The following EDN3 variants were observed in gnomAD, a reference collection of about 807,000 sequenced individuals.
EDN3 encodes endothelin-3.
A neutral mutation model predicts 21.4 loss-of-function variants in EDN3; 9 were observed. The observed-to-expected ratio is 0.42, with a 90% CI of 0.25 to 0.73. EDN3 has a LOEUF of 0.73. EDN3 is among the 30% of genes least tolerant of loss of function. The probability of loss-of-function intolerance (pLI) is 0.26; values close to 1 mark genes in which losing one functional copy is unlikely to be tolerated. For synonymous variants in EDN3, 133 were observed against 126.2 expected, an observed-to-expected ratio of 1.05 and a Z score of -0.36; for missense variants, 327 against 309.4, an observed-to-expected ratio of 1.06 and a Z score of -0.43.
In EDN3 at chr20:59,322,246, G is replaced by A; in HGVS notation, c.543-126G>A. Reference sequence around the variant, plus strand: ...CTCAGCCTTCAGAAACTGTGCCTGAGACGCAGTCCTTGGGGAACGCACTAA... The same window carrying A: ...CTCAGCCTTCAGAAACTGTGCCTGAAACGCAGTCCTTGGGGAACGCACTAA... On this transcript the variant is annotated intron_variant, in intron 3 of 4. Transcript: ENST00000337938. This position sits in a 1 kb window ranked among gnomAD's most constrained non-coding sequence, Gnocchi z 4.1. 1 of 1,042,130 alleles carries A rather than the reference G, an allele frequency of 9.6e-7. No individual in the cohort carries two copies. The highest frequency in any genetic ancestry group is 1.5e-6 in the Non-Finnish European group (1 of 673,300). 64.6% of individuals were successfully genotyped at this position (1,042,130 alleles called of 1,614,324 possible).
At chr20:59,318,945 T>G (rs189082232) in intron 2 of EDN3, among the ~76,000 whole-genome samples, 1 of 152,302 alleles carries the variant, frequency 6.6e-6, no homozygotes, top group Non-Finnish European at 1.5e-5. Context: ...ATGTCAACAC[T>G]CAGAGATTTA....
intron 2 of EDN3, among the ~76,000 whole-genome samples, chr20:59,301,974 G>A (rs1255997060): frequency 6.6e-6 from 1 of 152,158 alleles, no homozygotes; most frequent in Non-Finnish European, 1.5e-5. Flanking sequence ...GGAAGGAGGA[G>A]CCCTCCCTCT....
intron 2 of EDN3, among the ~76,000 whole-genome samples, chr20:59,306,595 T>TAAAAAAAAAAAAAAAAAAAAAAAAAAAAA (rs57144708): frequency 3.2e-5 from 2 of 62,454 alleles, no homozygotes; most frequent in Non-Finnish European, 5.8e-5. Flanking sequence ...GCATAAAGAG[T>TAAAAAAAAAAAAAAAAAAAAAAAAAAAAA]AAAAAAAAAA....
At chr20:59,306,124 G>C (rs1218613377) in intron 2 of EDN3, among the ~76,000 whole-genome samples, 1 of 152,162 alleles carries the variant, frequency 6.6e-6, no homozygotes, top group Non-Finnish European at 1.5e-5. Flanking sequence ...CCTGCCATCT[G>C]TTCATCCCTC....
At chr20:59,310,483 T>A (rs941338259) in intron 2 of EDN3, among the ~76,000 whole-genome samples, 2 of 152,138 alleles carry the variant, frequency 1.3e-5, no homozygotes, top group African/African-American at 4.8e-5. Flanking sequence ...CCACCAAACC[T>A]CCCAAGAATA....
At chr20:59,320,944 G>A (rs1410701227) in intron 2 of EDN3, 73 bp from the exon 3 acceptor site, 9 of 1,549,306 alleles carry the variant, frequency 5.8e-6, no homozygotes, top group Admixed American at 5.1e-5. Flanking sequence ...GGTGGTTCTC[G>A]CTCCACACCC....
Position 59,324,563 on chromosome 20 carries a change from C to T in EDN3, c.*104C>T. 1 of 1,529,754 alleles carries T rather than the reference C, an allele frequency of 6.5e-7. No homozygotes were observed. The highest frequency in any genetic ancestry group is 9.0e-7 in the Non-Finnish European group (1 of 1,113,890). The allele number at this position is 1,529,754 out of a possible 1,614,324, so 94.8% of individuals were successfully genotyped here. ...AGACAAGAAGTGAATTTGCCTGGGG[C>T]AGAACACCCACCCAAAGAGTCCCCA... On this transcript the variant is annotated 3_prime_UTR_variant, in exon 5 of 5. Coordinates refer to ENST00000337938, the MANE Select transcript of EDN3 (RefSeq NM_207034.3).
At position 59,322,329 on chromosome 20, in the gene EDN3, G is replaced by A; in HGVS notation, c.543-43G>A. 1 of 1,611,488 alleles carries A rather than the reference G, an allele frequency of 6.2e-7. No individual in the cohort carries two copies. Among genetic ancestry groups the A allele is most frequent in the Non-Finnish European group, 8.5e-7 (1 of 1,177,638 alleles). On this transcript the variant is annotated intron_variant, in intron 3 of 4. Transcript: ENST00000337938. The surrounding 1 kb of genome is among the most constrained non-coding windows in gnomAD (Gnocchi z 4.1). ...TTTGACACCGAAAAACCAGCCACAG[G>A]GAAAGGCAGGTTGATTGATTAAAAC...
intron 2 of EDN3, among the ~76,000 whole-genome samples, chr20:59,312,789 C>T (rs1291799053): frequency 6.6e-6 from 1 of 152,148 alleles, no homozygotes; most frequent in Non-Finnish European, 1.5e-5. Flanking sequence ...TTGGAAACAT[C>T]TGAGTGGAGT....
chr20:59,324,662 A>C lies in EDN3; in HGVS notation c.*203A>C. The C allele has an allele frequency of 1.5e-6, 1 of 676,822 alleles. No homozygotes were observed. The highest frequency in any genetic ancestry group is 1.8e-5 in the South Asian group (1 of 55,386). 41.9% of individuals were successfully genotyped at this position (676,822 alleles called of 1,614,324 possible). A position where few individuals can be genotyped will look rare whatever the true frequency, so the allele number is the denominator to read the frequency against. On this transcript the variant is annotated 3_prime_UTR_variant, in exon 5 of 5. Transcript: ENST00000337938. Reference sequence around the variant, plus strand: ...CCCAGTTTTCCTAATGAGTAAAATGATCCCAGATGTGCCCCAGAGCATGAC... The same window carrying C: ...CCCAGTTTTCCTAATGAGTAAAATGCTCCCAGATGTGCCCCAGAGCATGAC...
chr20:59,304,546 C>G (rs942713688), intron 2 of EDN3, among the ~76,000 whole-genome samples: 1 of 152,330 alleles, frequency 6.6e-6, no homozygotes, highest in South Asian at 2.1e-4. Context: ...AGCCTTTCCT[C>G]CCATGGCGCA....
intron 2 of EDN3, among the ~76,000 whole-genome samples, chr20:59,310,283 T>C (rs11570297): frequency 6.6e-6 from 1 of 152,338 alleles, no homozygotes; most frequent in Admixed American, 6.5e-5. Flanking sequence ...TTCCTTGTCA[T>C]GTTTCAGTTG....
rs1270177478 is a variant in EDN3, at chr20:59,322,294, G to C, written c.543-78G>C. 4 of 1,515,502 alleles carry C rather than the reference G, an allele frequency of 2.6e-6. No individual in the cohort carries two copies. The highest frequency in any genetic ancestry group is 2.7e-6 in the Non-Finnish European group (3 of 1,090,962). The allele number at this position is 1,515,502 out of a possible 1,614,324, so 93.9% of individuals were successfully genotyped here. A position where few individuals can be genotyped will look rare whatever the true frequency, so the allele number is the denominator to read the frequency against. ...TAATGTGCTCATTGGTGGGGAAGAG[G>C]AAGTCATAATTTGACACCGAAAAAC... On this transcript the variant is annotated intron_variant, in intron 3 of 4. Transcript: ENST00000337938. The surrounding 1 kb of genome is among the most constrained non-coding windows in gnomAD (Gnocchi z 4.1).
chr20:59,300,973 G>T (rs1470701768), intron 1 of EDN3, 109 bp downstream of exon 1: 2 of 1,340,018 alleles, frequency 1.5e-6, no homozygotes, highest in Admixed American at 2.0e-5. Context: ...GCAAACTCTT[G>T]CCTGGGCTCT....
intron 2 of EDN3, among the ~76,000 whole-genome samples, chr20:59,306,094 C>T (rs866003391): frequency 3.9e-5 from 6 of 152,166 alleles, no homozygotes; most frequent in African/African-American, 1.2e-4. Context: ...TGCTCCTCCC[C>T]GCCCCATGAG....
chr20:59,314,548 C>T (rs554347797), intron 2 of EDN3, among the ~76,000 whole-genome samples: 9 of 152,182 alleles, frequency 5.9e-5, no homozygotes, highest in African/African-American at 2.2e-4. Context: ...GGCGGGGCTG[C>T]TTGGCAAATT....
In EDN3 at chr20:59,324,629, C is replaced by T. The variant is rs925245673; in HGVS notation, c.*170C>T. ...CCCCCACGGCAAGAATGCCCAAATC[C>T]GAATGACCCCAGTTTTCCTAATGAG... On this transcript the variant is annotated 3_prime_UTR_variant, in exon 5 of 5. Transcript: ENST00000337938. 15 of 864,614 alleles carry T rather than the reference C, an allele frequency of 1.7e-5. No homozygotes were observed. The highest frequency in any genetic ancestry group is 6.7e-5 in the African/African-American group (4 of 59,774). The allele number at this position is 864,614 out of a possible 1,614,324, so 53.6% of individuals were successfully genotyped here. A position where few individuals can be genotyped will look rare whatever the true frequency, so the allele number is the denominator to read the frequency against.
At chr20:59,308,601 G>A (rs145554239) in intron 2 of EDN3, among the ~76,000 whole-genome samples, 1 of 152,330 alleles carries the variant, frequency 6.6e-6, no homozygotes, top group East Asian at 1.9e-4. Context: ...GAGAGTGGGG[G>A]AATAGATAGC....
chr20:59,321,244 G>T, intron 3 of EDN3, 51 bp downstream of exon 3: 1 of 1,591,928 alleles, frequency 6.3e-7, no homozygotes, highest in South Asian at 1.1e-5. Context: ...ATCAACCCTC[G>T]GCAAGGCCAG....
Sources: gnomAD v4.1 joint callset for allele counts (sites outside exome capture counted in the v4.1 genomes callset) on GRCh38, gnomAD v4.1.1 for gene constraint, Gnocchi (gnomAD v3.1) non-coding constraint, MANE v1.5 for transcripts, NCBI Gene and HGNC (gene_info 2026-07-23, HGNC 2026-07-21) for gene names.